NTRK2: variants seen among roughly 807,000 people sequenced by gnomAD.
The protein encoded by NTRK2 is neurotrophic receptor tyrosine kinase 2, also known as BDNF/NT-3 growth factors receptor.
A neutral mutation model predicts 94.5 loss-of-function variants in NTRK2; 13 were observed. The observed-to-expected ratio is 0.14, with a 90% CI of 0.09 to 0.22. The LOEUF (loss-of-function observed/expected upper bound fraction) is 0.22. NTRK2 is among the 10% of genes least tolerant of loss of function. The probability of loss-of-function intolerance (pLI) is 1.00; values close to 1 mark genes in which losing one functional copy is unlikely to be tolerated. For missense variants in NTRK2, 639 were observed against 1,071.2 expected (o/e 0.60, Z 5.63); for synonymous variants, 372 against 407.4 (o/e 0.91, Z 1.05).
At chr9:84,794,303 C>T (rs2069045548) in intron 12 of NTRK2, among the ~76,000 whole-genome samples, 1 of 152,210 alleles carries the variant, frequency 6.6e-6, no homozygotes, top group Non-Finnish European at 1.5e-5. Flanking sequence ...TGGGGGCATC[C>T]TTGTCCGTGG....
At chr9:84,992,936 T>TTATA (rs35011356) in intron 17 of NTRK2, among the ~76,000 whole-genome samples, 28 of 148,932 alleles carry the variant, frequency 1.9e-4, no homozygotes, top group South Asian at 1.7e-3. Flanking sequence ...ATTTAATGTA[T>TTATA]TATATATATA....
chr9:84,840,007 C>T (rs1167775213), intron 12 of NTRK2, among the ~76,000 whole-genome samples: 1 of 152,060 alleles, frequency 6.6e-6, no homozygotes, highest in East Asian at 1.9e-4. Flanking sequence ...CCTTTCATTC[C>T]TCGTTCTTTC....
At position 84,683,800 on chromosome 9, in the gene NTRK2, G is replaced by A. The variant is rs117906110; in HGVS notation, c.212+12840G>A. On this transcript the variant is annotated intron_variant, in intron 2 of 18. Coordinates refer to ENST00000277120, the MANE Select transcript of NTRK2 (RefSeq NM_006180.6). ...ACAATGGTTGAACTAATTTACACTC[G>A]CACCCACAGTGTAAAAGCGTTCCTA... 3.4e-3 allele frequency among the ~76,000 whole-genome samples: 517 copies of A among 152,206 alleles called. 18 individuals are homozygous for A. The East Asian group carries it at 0.073, about 22-fold the overall frequency.
At chr9:84,984,722 G>A (rs971475899) in intron 17 of NTRK2, among the ~76,000 whole-genome samples, 2 of 152,224 alleles carry the variant, frequency 1.3e-5, no homozygotes, top group Admixed American at 6.5e-5. Context: ...AGTTCGTTAA[G>A]AAGTAGTTTG....
intron 17 of NTRK2, among the ~76,000 whole-genome samples, chr9:84,997,767 G>GA (rs1329695259): frequency 6.6e-6 from 1 of 152,180 alleles, no homozygotes; most frequent in African/African-American, 2.4e-5. Flanking sequence ...CTGGGTCTGG[G>GA]AAAACCTGGG....
At chr9:84,906,323 T>C (rs763213243) in intron 14 of NTRK2, among the ~76,000 whole-genome samples, 9 of 152,050 alleles carry the variant, frequency 5.9e-5, no homozygotes, top group Non-Finnish European at 1.0e-4. Context: ...AGAGCAGCTC[T>C]GAGGGGCAGG....
At chr9:84,781,394 A>AT (rs2067546798) in intron 12 of NTRK2, among the ~76,000 whole-genome samples, 1 of 150,744 alleles carries the variant, frequency 6.6e-6, no homozygotes, top group Non-Finnish European at 1.5e-5. Context: ...ATTCTCTGGT[A>AT]TATCATACTT....
intron 17 of NTRK2, among the ~76,000 whole-genome samples, chr9:85,016,487 T>C (rs1253809787): frequency 6.6e-6 from 1 of 152,126 alleles, no homozygotes; most frequent in Non-Finnish European, 1.5e-5. Context: ...ATTCCTGGGA[T>C]CACATTCCAT....
intron 8 of NTRK2, among the ~76,000 whole-genome samples, chr9:84,726,211 G>A (rs1379300360): frequency 6.6e-6 from 1 of 152,206 alleles, no homozygotes; most frequent in Non-Finnish European, 1.5e-5. Context: ...AACTGGCTGG[G>A]TGTGGTGGCT....
chr9:84,965,229 G>C (rs1047450642), intron 17 of NTRK2, among the ~76,000 whole-genome samples: 1 of 152,204 alleles, frequency 6.6e-6, no homozygotes, highest in Non-Finnish European at 1.5e-5. Flanking sequence ...CTTTGCCTAT[G>C]GTTGGGGTCA....
intron 17 of NTRK2, among the ~76,000 whole-genome samples, chr9:84,956,174 G>A (rs925026616): frequency 5.3e-5 from 8 of 152,168 alleles, no homozygotes; most frequent in African/African-American, 1.9e-4. Flanking sequence ...ATAAATAATA[G>A]TACACCGGAC....
chr9:85,014,549 A>C (rs1832011292), intron 17 of NTRK2, among the ~76,000 whole-genome samples: 1 of 152,242 alleles, frequency 6.6e-6, no homozygotes, highest in Non-Finnish European at 1.5e-5. Flanking sequence ...ATTTCAAAAA[A>C]TAAATTGTTC....
rs1426533957 is a variant in NTRK2, at chr9:85,026,494, A to G, written c.*5057A>G. On this transcript the variant is annotated 3_prime_UTR_variant, in exon 19 of 19. Coordinates refer to ENST00000277120, the MANE Select transcript of NTRK2 (RefSeq NM_006180.6). ...CTTGTATATCTTACTATTGCTTAAAAAATGTATAAAGCAGCTGGAAATGTT... is the reference window on the plus strand; with the variant it reads ...CTTGTATATCTTACTATTGCTTAAAGAATGTATAAAGCAGCTGGAAATGTT... The G allele has an allele frequency of 4.3e-6, 1 of 232,426 alleles. No individual in the cohort carries two copies. The highest frequency in any genetic ancestry group is 8.5e-6 in the Non-Finnish European group (1 of 117,612). 14.4% of individuals were successfully genotyped at this position (232,426 alleles called of 1,614,324 possible). A position where few individuals can be genotyped will look rare whatever the true frequency, so the allele number is the denominator to read the frequency against.
chr9:84,868,939 ATCAACATACCC>A (rs2075717199), intron 14 of NTRK2, among the ~76,000 whole-genome samples: 1 of 152,206 alleles, frequency 6.6e-6, no homozygotes, highest in Admixed American at 6.5e-5. Flanking sequence ...GGCTGATAAA[ATCAACATACCC>A]TCAAAAAGTT....
chr9:84,669,217 C>G (rs1044450037), upstream of NTRK2: 2 of 152,668 alleles, frequency 1.3e-5, no homozygotes, highest in East Asian at 3.9e-4. The surrounding 1 kb of genome is among the most constrained non-coding windows in gnomAD (Gnocchi z 4.1). Context: ...AGCTTGCCCT[C>G]CCTTTTAGGC....
chr9:84,983,003 T>C (rs1564524347), intron 17 of NTRK2, among the ~76,000 whole-genome samples: 1 of 152,008 alleles, frequency 6.6e-6, no homozygotes. Context: ...GTTGGGCAAA[T>C]CAAATATAGG....
intron 12 of NTRK2, among the ~76,000 whole-genome samples, chr9:84,767,881 T>A (rs1259380927): frequency 6.6e-6 from 1 of 152,234 alleles, no homozygotes; most frequent in African/African-American, 2.4e-5. Flanking sequence ...TTTATTCTAG[T>A]CTGATTTATT....
chr9:84,747,497 T>G (rs7847889), intron 11 of NTRK2, among the ~76,000 whole-genome samples: 2 of 127,152 alleles, frequency 1.6e-5, no homozygotes, highest in African/African-American at 3.1e-5. Flanking sequence ...TTTTTTTTTG[T>G]GATGGAGTCT....
intron 6 of NTRK2, among the ~76,000 whole-genome samples, chr9:84,719,679 T>C (rs1213710456): frequency 6.6e-6 from 1 of 152,068 alleles, no homozygotes; most frequent in Non-Finnish European, 1.5e-5. Context: ...GGGCCTTGAC[T>C]CTGATGGTCA....
Sources: allele counts gnomAD v4.1 joint callset (sites outside exome capture counted in the v4.1 genomes callset), GRCh38; gene constraint gnomAD v4.1.1; non-coding constraint Gnocchi (gnomAD v3.1); transcripts MANE v1.5; gene names NCBI Gene and HGNC (gene_info 2026-07-23, HGNC 2026-07-21).